Variants in BEST1 observed in about 807,000 individuals in gnomAD.
The protein encoded by BEST1 is bestrophin-1.
BEST1 carries 58 observed loss-of-function variants against 63.3 expected under a neutral mutation model. The ratio of observed to expected loss-of-function variants is 0.92; its 90% CI spans 0.74 to 1.14. BEST1 has a LOEUF of 1.14. BEST1 is among the 50% of genes most tolerant of loss of function. The pLI is 0.00. For synonymous variants in BEST1, 283 were observed against 291.6 expected (o/e 0.97, Z 0.30); for missense variants, 671 against 740.1 (o/e 0.91, Z 1.08).
chr11:61,957,489 C>A (rs533930599), intron 6 of BEST1, 25 bp downstream of exon 6: 34 of 1,609,178 alleles, frequency 2.1e-5, no homozygotes, highest in Admixed American at 1.0e-4. Context: ...GGTGAGGCTG[C>A]CCTTTTGGGA....
At position 61,962,281 on chromosome 11, in the gene BEST1, A is replaced by G. The variant is rs373504272; in HGVS notation, c.1127A>G (p.Gln376Arg). The G allele has an allele frequency of 3.1e-6, 5 of 1,614,050 alleles. No homozygotes were observed. The highest frequency in any genetic ancestry group is 4.2e-6 in the Non-Finnish European group (5 of 1,180,042). ...CTGAACAAAGAGGAGATGGAGTTCC[A>G]GCCCAATCAGGAGGACGAGGAGGAT... is the stretch of plus-strand genomic sequence containing the variant. ...ISLNKEEMEFQPNQEDEEDAH... is the reference protein window; with the variant it reads ...ISLNKEEMEFRPNQEDEEDAH... The change falls in exon 10 of 11, where the codon CAG becomes CGG. Residue 376 changes from glutamine to arginine, a missense_variant. Coordinates refer to ENST00000378043, the MANE Select transcript of BEST1 (RefSeq NM_004183.4).
rs146689925 is a variant in BEST1 at position 61,962,383 on chromosome 11, C to T, written c.1229C>T (p.Thr410Ile). Residue 410 changes from threonine (T) to isoleucine (I), a missense_variant, in exon 10 of 11, where the codon ACC becomes ATC. By Grantham distance (89) the Thr-to-Ile change is moderately conservative. Coordinates refer to ENST00000378043, the MANE Select transcript of BEST1 (RefSeq NM_004183.4). The stretch of plus-strand genomic sequence containing the variant: ...CATCCTCCCAGGGCAAACTCAAGGA[C>T]CAAACTACTGTGGCCCAAGAGGGAA... ...DHHPPRANSR[T>I]KLLWPKRESL... 1.2e-5 allele frequency: 20 copies of T among 1,614,150 alleles called. No individual in the cohort carries two copies. The African/African-American group carries it at 1.9e-4, about 15-fold the overall frequency.
intron 10 of BEST1, 80 bp from the exon 11 acceptor site, chr11:61,964,024 G>T (rs1035286664): frequency 1.3e-6 from 2 of 1,597,126 alleles, no homozygotes; most frequent in African/African-American, 1.4e-5. Flanking sequence ...CTCAACCTTT[G>T]CCCTCCTACT....
At chr11:61,954,765 G>C (rs539712680) in intron 2 of BEST1, 3 of 982,330 alleles carry the variant, frequency 3.1e-6, no homozygotes, top group South Asian at 4.7e-5. Flanking sequence ...ACTCTGTTTC[G>C]ACCTGCTTTT....
intron 7 of BEST1, chr11:61,959,026 C>A: frequency 3.9e-6 from 1 of 259,342 alleles, no homozygotes; most frequent in Non-Finnish European, 7.6e-6. Flanking sequence ...CGGGGTGCCC[C>A]AGTGGCCTGC....
chr11:61,955,832 G>C lies in BEST1; in HGVS notation c.362G>C (p.Gly121Ala), dbSNP rs1314618706. 6.5e-6 allele frequency: 10 copies of C among 1,550,376 alleles called. No individual in the cohort carries two copies. In the East Asian group the frequency reaches 2.4e-4, roughly 38 times the overall value. Residue 121 changes from glycine (G) to alanine (A), a missense_variant, in exon 4 of 11, where the codon GGC becomes GCC. Gly to Ala is a moderately conservative substitution (Grantham distance 60). Transcript: ENST00000378043. ...TTCGTCGAAGGCAAGGACGAGCAAGGCCGGCTGCTGCGGCGCACGCTCATC... is the reference window on the plus strand; with the variant it reads ...TTCGTCGAAGGCAAGGACGAGCAAGCCCGGCTGCTGCGGCGCACGCTCATC... ...SGFVEGKDEQ[G>A]RLLRRTLIRY...
chr11:61,958,339 A>G, intron 7 of BEST1, 41 bp downstream of exon 7: 1 of 1,613,982 alleles, frequency 6.2e-7, no homozygotes, highest in Non-Finnish European at 8.5e-7. Flanking sequence ...AGGCATGGCC[A>G]GAGGGGTCAT....
At chr11:61,963,005 G>C (rs1591314866) in intron 10 of BEST1, 112 bp downstream of exon 10, 19 of 1,595,866 alleles carry the variant, frequency 1.2e-5, no homozygotes, top group East Asian at 2.3e-5. Context: ...ATCACTGCCA[G>C]AGCACACTGG....
chr11:61,958,877 C>T, intron 7 of BEST1: 1 of 61,632 alleles, frequency 1.6e-5, no homozygotes, highest in Non-Finnish European at 3.9e-5. Context: ...CACTGTGACA[C>T]ACACACACAC....
At chr11:61,963,191 C>A in intron 10 of BEST1, 2 of 1,434,670 alleles carry the variant, frequency 1.4e-6, no homozygotes, top group Non-Finnish European at 1.8e-6. Context: ...TGCCCCAGGG[C>A]TGACAGGCCA....
intron 10 of BEST1, chr11:61,963,675 C>T: frequency 9.4e-7 from 1 of 1,062,920 alleles, no homozygotes; most frequent in Non-Finnish European, 1.1e-6. Context: ...CAATTTCAGT[C>T]TTGCTTCTAG....
Position 61,958,026 on chromosome 11 carries a change from A to G in BEST1, c.715-120A>G, listed in dbSNP as rs2668898. On this transcript the variant is annotated intron_variant, in intron 6 of 10. Transcript: ENST00000378043. The stretch of plus-strand genomic sequence containing the variant: ...GGGGTTAACAGAGCCCCTAAGTCAC[A>G]TAAGTGTGCAAGTCAGAACAAGGCC... The G allele has an allele frequency of 0.33, 495,419 of 1,520,098 alleles. 98,908 individuals are homozygous for G. The highest frequency in any genetic ancestry group is 0.91 in the East Asian group (40,291 of 44,344). 94.2% of individuals were successfully genotyped at this position (1,520,098 alleles called of 1,614,324 possible). A position where few individuals can be genotyped will look rare whatever the true frequency, so the allele number is the denominator to read the frequency against.
In BEST1 at chr11:61,955,818, C is replaced by A. The variant is rs1941264490; in HGVS notation, c.348C>A (p.Gly116=). The change falls in exon 4 of 11, where the codon GGC becomes GGA. Residue 116 remains glycine (G), a synonymous_variant. Coordinates refer to ENST00000378043, the MANE Select transcript of BEST1 (RefSeq NM_004183.4). The part of the protein sequence containing the change: ...LMSLVSGFVE[G]KDEQGRLLRR... ...GCCTGGTGTCGGGCTTCGTCGAAGG[C>A]AAGGACGAGCAAGGCCGGCTGCTGC... 3.2e-6 allele frequency: 5 copies of A among 1,550,410 alleles called. No individual in the cohort carries two copies. Among genetic ancestry groups the A allele is most frequent in the Non-Finnish European group, 4.4e-6 (5 of 1,146,924 alleles).
intron 7 of BEST1, chr11:61,958,873 G>GAC (rs71471844): frequency 0.013 from 2,496 of 192,828 alleles, 67 homozygotes; most frequent in African/African-American, 0.069. Context: ...CTGTCACTGT[G>GAC]ACACACACAC....
At position 61,957,403 on chromosome 11, in the gene BEST1, G is replaced by A. The variant is rs281865239; in HGVS notation, c.653G>A (p.Arg218His). The A allele has an allele frequency of 1.1e-5, 18 of 1,613,962 alleles. No homozygotes were observed. Among genetic ancestry groups the A allele is most frequent in the Admixed American group, 1.7e-5 (1 of 59,994 alleles). ...QSLLNEMNTL[R>H]TQCGHLYAYD... Reference sequence around the variant, plus strand: ...GCCCCCCAGGAGATGAACACCTTGCGTACTCAGTGTGGACACCTGTATGCC... The same window carrying A: ...GCCCCCCAGGAGATGAACACCTTGCATACTCAGTGTGGACACCTGTATGCC... The change falls in exon 6 of 11, where the codon CGT becomes CAT. Residue 218 changes from arginine to histidine, a missense_variant. Coordinates refer to ENST00000378043, the MANE Select transcript of BEST1 (RefSeq NM_004183.4).
rs369870892 is a variant in BEST1 at position 61,958,180 on chromosome 11, C to G, written c.749C>G (p.Thr250Ser). 185 of 1,613,948 alleles carry G rather than the reference C, an allele frequency of 1.1e-4. No homozygotes were observed. The highest frequency in any genetic ancestry group is 1.5e-4 in the Non-Finnish European group (179 of 1,180,012). Reference sequence around the variant, plus strand: ...GTGGCGGTGTACAGCTTCTTCCTGACTTGTCTAGTTGGGCGGCAGTTTCTG... The same window carrying G: ...GTGGCGGTGTACAGCTTCTTCCTGAGTTGTCTAGTTGGGCGGCAGTTTCTG... ...VTVAVYSFFL[T>S]CLVGRQFLNP... The change falls in exon 7 of 11, where the codon ACT becomes AGT. Residue 250 changes from threonine (T) to serine (S), a missense_variant. Transcript: ENST00000378043.
At chr11:61,961,156 T>C (rs952004826) in intron 9 of BEST1, 1 of 152,086 alleles carries the variant, frequency 6.6e-6, no homozygotes, top group African/African-American at 2.4e-5. Context: ...TAGCTGGGAT[T>C]ATAGGTGCCA....
In BEST1 at chr11:61,951,940, T is replaced by A; in HGVS notation, c.134T>A (p.Ile45Asn). Residue 45 changes from isoleucine to asparagine, a missense_variant, in exon 2 of 11, where the codon ATC becomes AAC. By Grantham distance (149) the Ile-to-Asn change is moderately radical. Coordinates refer to ENST00000378043, the MANE Select transcript of BEST1 (RefSeq NM_004183.4). ...EFLIFLLCYYIIRFIYRLALT... is the reference protein window; with the variant it reads ...EFLIFLLCYYNIRFIYRLALT... ...TTAATCTTCCTGCTCTGCTACTACATCATCCGCTTTATTTATAGGTAAAGC... is the reference window on the plus strand; with the variant it reads ...TTAATCTTCCTGCTCTGCTACTACAACATCCGCTTTATTTATAGGTAAAGC... The A allele has an allele frequency of 1.9e-6, 3 of 1,613,796 alleles. No homozygotes were observed. Among genetic ancestry groups the A allele is most frequent in the Non-Finnish European group, 2.5e-6 (3 of 1,179,954 alleles).
chr11:61,964,815 T>C, downstream of BEST1: 1 of 1,600,490 alleles, frequency 6.2e-7, no homozygotes. Context: ...CTTGCGCAAG[T>C]TGGTCACGTG....
Sources: gnomAD v4.1 joint callset for allele counts on GRCh38, gnomAD v4.1.1 for gene constraint, MANE v1.5 for transcripts, NCBI Gene and HGNC (gene_info 2026-07-23, HGNC 2026-07-21) for gene names.